GTF3C4: variants seen among roughly 807,000 people sequenced by gnomAD.
GTF3C4 encodes general transcription factor IIIC subunit 4.
A neutral mutation model predicts 67.5 loss-of-function variants in GTF3C4; 28 were observed. The ratio of observed to expected loss-of-function variants is 0.41; its 90% CI spans 0.31 to 0.57. The LOEUF (loss-of-function observed/expected upper bound fraction) is 0.57, where lower values mean the gene tolerates loss of function less well. Among genes scored for constraint, GTF3C4 ranks in the 20% least tolerant of loss-of-function variants. The pLI is 0.21. For missense variants in GTF3C4, 831 were observed against 1,033.2 expected, an observed-to-expected ratio of 0.80 and a Z score of 2.68; for synonymous variants, 409 against 393.0, an observed-to-expected ratio of 1.04 and a Z score of -0.48.
At chr9:132,683,789 T>C (rs1835983735) in intron 3 of GTF3C4, 96 bp downstream of exon 3, 4 of 1,188,688 alleles carry the variant, frequency 3.4e-6, no homozygotes, top group East Asian at 2.6e-5. Context: ...ATGCCAGTTA[T>C]CTGTTGCCCT....
chr9:132,671,549 A>G (rs1835763134), intron 1 of GTF3C4, among the ~76,000 whole-genome samples: 1 of 152,220 alleles, frequency 6.6e-6, no homozygotes, highest in African/African-American at 2.4e-5. Context: ...TTTCTTTACT[A>G]GCTAAACATC....
rs567000927 is a variant in GTF3C4, at chr9:132,673,188, AAAAG to A, written c.357+2241_357+2244del. 3.5e-4 allele frequency among the ~76,000 whole-genome samples: 53 copies of A among 152,312 alleles called. 1 individual carries two copies. The South Asian group carries it at 8.3e-3, about 24-fold the overall frequency. ...ACAGAGCCAGACTCCGTCTCAAAAA[AAAAG>A]AAAGAAAATATAATGCAGTTATACA... On this transcript the variant is annotated intron_variant, in intron 1 of 4. Transcript: ENST00000372146.
chr9:132,689,311 G>T lies in GTF3C4; in HGVS notation c.*366G>T. On this transcript the variant is annotated 3_prime_UTR_variant, in exon 5 of 5. Transcript: ENST00000372146. ...GGTCTCTTCTAGAGAGCTTGGATAA[G>T]GACCTTGCTGGGTTGAGTTAGGTTT... 1 of 197,654 alleles carries T rather than the reference G, an allele frequency of 5.1e-6. No homozygotes were observed. Among genetic ancestry groups the T allele is most frequent in the East Asian group, 1.1e-4 (1 of 8,728 alleles). 12.2% of individuals were successfully genotyped at this position (197,654 alleles called of 1,614,324 possible).
chr9:132,670,112 G>A (rs757006415), upstream of GTF3C4: 15 of 1,577,422 alleles, frequency 9.5e-6, no homozygotes, highest in East Asian at 1.6e-4. Context: ...GGCGGGTAGG[G>A]ACAAGACTAC....
chr9:132,685,301 G>A (rs1004218411), intron 3 of GTF3C4, among the ~76,000 whole-genome samples: 1 of 151,858 alleles, frequency 6.6e-6, no homozygotes. Context: ...AACTACAGGC[G>A]TGAGCCACTG....
At position 132,679,851 on chromosome 9, in the gene GTF3C4, T is replaced by G; in HGVS notation, c.2184+48T>G. ...TCTGAAATTGTAAAGCCTGCTTTCT[T>G]CATGAGAAAGAAATGACCTAAATTG... On this transcript the variant is annotated intron_variant, in intron 2 of 4. Transcript: ENST00000372146. The surrounding 1 kb of genome is among the most constrained non-coding windows in gnomAD (Gnocchi z 5.9). The G allele has an allele frequency of 6.7e-7, 1 of 1,495,794 alleles. No homozygotes were observed. Among genetic ancestry groups the G allele is most frequent in the Non-Finnish European group, 9.0e-7 (1 of 1,113,592 alleles). 92.7% of individuals were successfully genotyped at this position (1,495,794 alleles called of 1,614,324 possible).
chr9:132,675,782 G>T (rs1352661331), intron 1 of GTF3C4, among the ~76,000 whole-genome samples: 1 of 151,122 alleles, frequency 6.6e-6, no homozygotes, highest in African/African-American at 2.4e-5. Flanking sequence ...GGAAAAGTTA[G>T]TTCTCTATTT....
rs1421896895 is a variant in GTF3C4 at position 132,678,412 on chromosome 9, A to G, written c.793A>G (p.Asn265Asp). ...GICTTQQVKH[N>D]NECRDVGSVL... The stretch of plus-strand genomic sequence containing the variant: ...CTGTACCACCCAGCAGGTCAAGCAT[A>G]ACAACGAATGCCGGGACGTTGGCAG... The change falls in exon 2 of 5, where the codon AAC becomes GAC. Residue 265 changes from asparagine to aspartate, a missense_variant. By Grantham distance (23) the Asn-to-Asp change is conservative (BLOSUM62 1). Around this residue, in one of 4 missense-constraint regions of GTF3C4, gnomAD observed 390 missense variants for 540.3 expected, o/e 0.72. Coordinates refer to ENST00000372146, the MANE Select transcript of GTF3C4 (RefSeq NM_012204.4). The surrounding 1 kb of genome is among the most constrained non-coding windows in gnomAD (Gnocchi z 6.5). 2 of 1,614,132 alleles carry G rather than the reference A, an allele frequency of 1.2e-6. No individual in the cohort carries two copies. The highest frequency in any genetic ancestry group is 1.3e-5 in the African/African-American group (1 of 74,954).
chr9:132,673,827 A>G (rs1035400554), intron 1 of GTF3C4, among the ~76,000 whole-genome samples: 1 of 152,230 alleles, frequency 6.6e-6, no homozygotes, highest in East Asian at 1.9e-4. Context: ...CAGCTGTTTT[A>G]TAAGATTGTA....
intron 1 of GTF3C4, among the ~76,000 whole-genome samples, chr9:132,674,205 A>G (rs76079710): frequency 0.012 from 1,899 of 152,342 alleles, 38 homozygotes; most frequent in African/African-American, 0.043. Flanking sequence ...GAAAACCGCA[A>G]TTACTTTTGC....
chr9:132,685,557 T>TGGCAACA (rs1836014237), intron 3 of GTF3C4, among the ~76,000 whole-genome samples: 4 of 151,984 alleles, frequency 2.6e-5, no homozygotes, highest in Non-Finnish European at 4.4e-5. Context: ...CTCACTATGT[T>TGGCAACA]GCCCATGGCA....
At chr9:132,674,661 A>G (rs987665910) in intron 1 of GTF3C4, among the ~76,000 whole-genome samples, 9 of 152,198 alleles carry the variant, frequency 5.9e-5, no homozygotes, top group African/African-American at 1.7e-4. Flanking sequence ...TTTTATATCT[A>G]CCTTTCATTT....
Position 132,670,603 on chromosome 9 carries a change from A to G in GTF3C4, c.5A>G (p.Asn2Ser). Reference sequence around the variant, plus strand: ...GACCTCTGCACCTGAGAGAAGATGAACACGGCCGACCAGGCCCGGGTGGGG... The same window carrying G: ...GACCTCTGCACCTGAGAGAAGATGAGCACGGCCGACCAGGCCCGGGTGGGG... The part of the protein sequence containing the change: M[N>S]TADQARVGPA... The change falls in exon 1 of 5, where the codon AAC (asparagine) becomes AGC (serine). Residue 2 changes from asparagine to serine, a missense_variant. By Grantham distance (46) the Asn-to-Ser change is conservative. This residue lies in a region of GTF3C4 where 237 missense variants were observed against 212.7 expected (regional missense o/e 1.11). Transcript: ENST00000372146. 4.8e-6 allele frequency: 7 copies of G among 1,446,894 alleles called. No homozygotes were observed. The highest frequency in any genetic ancestry group is 6.3e-6 in the Non-Finnish European group (7 of 1,111,200). 89.6% of individuals were successfully genotyped at this position (1,446,894 alleles called of 1,614,324 possible).
At chr9:132,676,086 A>G (rs1835860991) in intron 1 of GTF3C4, among the ~76,000 whole-genome samples, 1 of 151,402 alleles carries the variant, frequency 6.6e-6, no homozygotes, top group Non-Finnish European at 1.5e-5. Flanking sequence ...TTTTTAGTAG[A>G]GACGGAGTTT....
chr9:132,680,187 G>A (rs1045958128), intron 2 of GTF3C4, among the ~76,000 whole-genome samples: 2 of 152,140 alleles, frequency 1.3e-5, no homozygotes, highest in African/African-American at 4.8e-5. Context: ...GGGGTGTAGT[G>A]ACATGTTTTC....
At chr9:132,682,372 G>C (rs1009134597) in intron 2 of GTF3C4, among the ~76,000 whole-genome samples, 1 of 152,048 alleles carries the variant, frequency 6.6e-6, no homozygotes, top group African/African-American at 2.4e-5. Flanking sequence ...AAACGTAAGT[G>C]AACTAATTTT....
chr9:132,670,460 C>T (rs1835687567), upstream of GTF3C4: 1 of 955,586 alleles, frequency 1.0e-6, no homozygotes, highest in East Asian at 3.2e-5. Context: ...ACGGCGGGGT[C>T]CTTCTTGGCT....
At chr9:132,684,279 C>T (rs1835992143) in intron 3 of GTF3C4, among the ~76,000 whole-genome samples, 1 of 152,188 alleles carries the variant, frequency 6.6e-6, no homozygotes, top group South Asian at 2.1e-4. Flanking sequence ...GCTTATATAT[C>T]TAACTGCCTG....
rs1836131347 is a variant in GTF3C4 at position 132,692,386 on chromosome 9, G to A, written c.*3441G>A. 6.6e-6 allele frequency: 1 copy of A among 152,046 alleles called. No homozygotes were observed. The allele number at this position is 152,046 out of a possible 1,614,324, so 9.4% of individuals were successfully genotyped here. A position where few individuals can be genotyped will look rare whatever the true frequency, so the allele number is the denominator to read the frequency against. On this transcript the variant is annotated 3_prime_UTR_variant, in exon 5 of 5. Transcript: ENST00000372146. The stretch of plus-strand genomic sequence containing the variant: ...TTCAAAACTTAACTATAATTTCCTT[G>A]TCAGGGTGCTCAGTAGCTCTTGGTT...
Sources: gnomAD v4.1 joint callset for allele counts (sites outside exome capture counted in the v4.1 genomes callset) on GRCh38, gnomAD v4.1.1 for gene constraint, gnomAD v4.1.1 regional missense constraint, Gnocchi (gnomAD v3.1) non-coding constraint, MANE v1.5 for transcripts, NCBI Gene and HGNC (gene_info 2026-07-23, HGNC 2026-07-21) for gene names.